The following REC114 variants were observed in gnomAD, a reference collection of about 807,000 sequenced individuals.
REC114 encodes REC114 meiotic recombination protein.
Under a neutral mutation model 31.3 loss-of-function variants are expected in REC114, and 27 were observed. The observed-to-expected ratio is 0.86, with a 90% confidence interval of 0.64 to 1.19. The LOEUF (loss-of-function observed/expected upper bound fraction) is 1.19. REC114 is among the 50% of genes most tolerant of loss of function. The pLI is 0.00. For synonymous variants in REC114, 134 were observed against 127.7 expected (o/e 1.05, Z -0.33); for missense variants, 344 against 326.9 (o/e 1.05, Z -0.40).
chr15:73,559,055 G>A (rs551008998), intron 5 of REC114, among the ~76,000 whole-genome samples: 14 of 152,268 alleles, frequency 9.2e-5, no homozygotes, highest in South Asian at 2.1e-4. Flanking sequence ...ATTCAACAAC[G>A]TATTATGATT....
intron 2 of REC114, among the ~76,000 whole-genome samples, chr15:73,494,105 A>C (rs1468088577): frequency 1.3e-5 from 2 of 152,180 alleles, no homozygotes; most frequent in African/African-American, 4.8e-5. Flanking sequence ...CTTCCATCAC[A>C]ATACCATGTC....
intron 2 of REC114, among the ~76,000 whole-genome samples, chr15:73,530,983 C>G (rs946350711): frequency 6.6e-6 from 1 of 152,168 alleles, no homozygotes; most frequent in Non-Finnish European, 1.5e-5. Context: ...TTCTCCTATG[C>G]TGTTTTCCTC....
chr15:73,462,432 G>A (rs1216453618), intron 1 of REC114, among the ~76,000 whole-genome samples: 3 of 151,972 alleles, frequency 2.0e-5, no homozygotes, highest in Non-Finnish European at 2.9e-5. Context: ...CAGTATCGTT[G>A]TCCTTTGTGG....
intron 1 of REC114, among the ~76,000 whole-genome samples, chr15:73,452,343 GACAA>G (rs1369673203): frequency 6.6e-5 from 10 of 152,074 alleles, no homozygotes; most frequent in South Asian, 2.1e-4. Flanking sequence ...ACCAATAACA[GACAA>G]ACAGAGAGCC....
chr15:73,452,997 G>A (rs1892871287), intron 1 of REC114, among the ~76,000 whole-genome samples: 1 of 152,150 alleles, frequency 6.6e-6, no homozygotes, highest in Non-Finnish European at 1.5e-5. Flanking sequence ...ATGGATTAAA[G>A]ACTTAAATAT....
intron 1 of REC114, among the ~76,000 whole-genome samples, chr15:73,462,742 G>A (rs1397427020): frequency 6.6e-6 from 1 of 151,876 alleles, no homozygotes; most frequent in East Asian, 1.9e-4. Context: ...AAAATTAGCC[G>A]GGCATGGTAG....
At chr15:73,512,220 ATC>A (rs1893782586) in intron 2 of REC114, among the ~76,000 whole-genome samples, 1 of 109,534 alleles carries the variant, frequency 9.1e-6, no homozygotes, top group South Asian at 3.0e-4. Flanking sequence ...GTCTCTTTTG[ATC>A]TTTGTTGGTT....
At chr15:73,446,141 T>G (rs1892761877) in intron 1 of REC114, among the ~76,000 whole-genome samples, 1 of 152,248 alleles carries the variant, frequency 6.6e-6, no homozygotes, top group Admixed American at 6.5e-5. Flanking sequence ...GTTAGGGGTT[T>G]GCTCTTATTA....
chr15:73,513,946 G>T (rs1017040178), intron 2 of REC114, among the ~76,000 whole-genome samples: 38 of 152,176 alleles, frequency 2.5e-4, no homozygotes, highest in African/African-American at 8.9e-4. Context: ...TGGCAGGCAG[G>T]CCTCCTTGAA....
At chr15:73,470,605 C>A (rs1893120603) in intron 1 of REC114, among the ~76,000 whole-genome samples, 1 of 151,932 alleles carries the variant, frequency 6.6e-6, no homozygotes, top group South Asian at 2.1e-4. Flanking sequence ...ATAACAGTGT[C>A]CAAAACGGGG....
intron 2 of REC114, among the ~76,000 whole-genome samples, chr15:73,516,895 G>C (rs1413131008): frequency 6.6e-6 from 1 of 152,174 alleles, no homozygotes; most frequent in Non-Finnish European, 1.5e-5. Context: ...CCAAAGTGCT[G>C]GGATTACAGG....
intron 1 of REC114, among the ~76,000 whole-genome samples, chr15:73,451,810 C>G (rs1178812237): frequency 6.6e-6 from 1 of 152,162 alleles, no homozygotes; most frequent in African/African-American, 2.4e-5. Flanking sequence ...TCATCCCTGG[C>G]ATGCAAGGCT....
intron 4 of REC114, among the ~76,000 whole-genome samples, chr15:73,553,107 A>T (rs1051061289): frequency 6.6e-6 from 1 of 152,098 alleles, no homozygotes; most frequent in Non-Finnish European, 1.5e-5. Context: ...GAGCCACCGC[A>T]CCCAGCTGTC....
rs555646108 is a variant in REC114, at chr15:73,448,945, A to G, written c.159+5601A>G. Reference sequence around the variant, plus strand: ...AAACAAACAAACAGAAAGGAATAGTATCAACATCAACAAAAAGGATGTCTA... The same window carrying G: ...AAACAAACAAACAGAAAGGAATAGTGTCAACATCAACAAAAAGGATGTCTA... On this transcript the variant is annotated intron_variant, in intron 1 of 5. Coordinates refer to ENST00000331090, the MANE Select transcript of REC114 (RefSeq NM_001042367.2). Among the ~76,000 whole-genome samples the G allele has an allele frequency of 1.1e-3, 174 of 152,342 alleles. 1 individual carries two copies. Among genetic ancestry groups the G allele is most frequent in the African/African-American group, 4.0e-3 (166 of 41,578 alleles).
chr15:73,513,381 T>G (rs1277482396), intron 2 of REC114, among the ~76,000 whole-genome samples: 1 of 149,532 alleles, frequency 6.7e-6, no homozygotes, highest in African/African-American at 2.4e-5. Context: ...TTCTTTGCCT[T>G]TGGTTTGAAT....
At chr15:73,514,008 G>T (rs1595874803) in intron 2 of REC114, among the ~76,000 whole-genome samples, 7 of 152,138 alleles carry the variant, frequency 4.6e-5, no homozygotes, top group Admixed American at 3.9e-4. Flanking sequence ...GTTTACCTAA[G>T]CAAGCCTGGG....
At chr15:73,445,574 A>T (rs1433517698) in intron 1 of REC114, among the ~76,000 whole-genome samples, 1 of 152,154 alleles carries the variant, frequency 6.6e-6, no homozygotes, top group Non-Finnish European at 1.5e-5. Flanking sequence ...CTAGCTTTTC[A>T]TTTAAAATGA....
chr15:73,476,626 A>C (rs968632238), intron 2 of REC114, among the ~76,000 whole-genome samples: 1 of 152,216 alleles, frequency 6.6e-6, no homozygotes, highest in Admixed American at 6.5e-5. Flanking sequence ...CATGTAATGG[A>C]ATCATATGAT....
chr15:73,483,334 C>T (rs1301756965), intron 2 of REC114: 4 of 154,430 alleles, frequency 2.6e-5, no homozygotes, highest in Non-Finnish European at 5.8e-5. Flanking sequence ...TTTTGAGTCT[C>T]TTGGAACATC....
Sources: gnomAD v4.1 joint callset for allele counts (sites outside exome capture counted in the v4.1 genomes callset) on GRCh38, gnomAD v4.1.1 for gene constraint, MANE v1.5 for transcripts, NCBI Gene and HGNC (gene_info 2026-07-23, HGNC 2026-07-21) for gene names.